DCBLD1: variants seen among roughly 807,000 people sequenced by gnomAD.
DCBLD1 encodes the protein discoidin, CUB and LCCL domain containing 1, also known as discoidin, CUB and LCCL domain-containing protein 1.
Under a neutral mutation model 71.5 loss-of-function variants are expected in DCBLD1, and 57 were observed. The observed-to-expected ratio is 0.80, with a 90% CI of 0.64 to 0.99. The LOEUF (loss-of-function observed/expected upper bound fraction) is 0.99. DCBLD1 is among the 50% of genes least tolerant of loss of function. The pLI is 0.00. For missense variants in DCBLD1, 891 were observed against 923.5 expected (o/e 0.96, Z 0.46); for synonymous variants, 380 against 363.8 (o/e 1.04, Z -0.51).
At chr6:117,561,825 TAAATAGCAAAACCACA>T (rs1779589761) in intron 14 of DCBLD1, 2 of 207,376 alleles carry the variant, frequency 9.6e-6, no homozygotes, top group East Asian at 1.5e-4. Context: ...ATTAAATTTA[TAAATAGCAAAACCACA>T]AAATAAAGTA....
intron 1 of DCBLD1, chr6:117,503,559 C>G (rs545211716): frequency 1.7e-6 from 1 of 575,796 alleles, no homozygotes; most frequent in Admixed American, 3.2e-5. Context: ...TTTTGATCAA[C>G]AAGAAGATAA....
intron 2 of DCBLD1, chr6:117,508,145 G>A (rs963238981): frequency 6.6e-6 from 1 of 152,204 alleles, no homozygotes; most frequent in African/African-American, 2.4e-5. Context: ...GGAGAAATTT[G>A]GACACATAAG....
intron 3 of DCBLD1, among the ~76,000 whole-genome samples, chr6:117,520,838 A>T (rs1238103566): frequency 6.6e-6 from 1 of 152,222 alleles, no homozygotes; most frequent in East Asian, 1.9e-4. Context: ...ATCAGCTCTG[A>T]CTAATCACAG....
intron 5 of DCBLD1, among the ~76,000 whole-genome samples, chr6:117,530,869 T>G (rs1189284787): frequency 6.6e-6 from 1 of 152,180 alleles, no homozygotes; most frequent in Non-Finnish European, 1.5e-5. Context: ...AAGAGTACGA[T>G]CTTTACGATC....
intron 1 of DCBLD1, among the ~76,000 whole-genome samples, chr6:117,488,825 C>T (rs537909449): frequency 6.3e-4 from 96 of 152,268 alleles, no homozygotes; most frequent in Non-Finnish European, 9.7e-4. Context: ...GTATCAGGGG[C>T]CTACTTCACC....
intron 1 of DCBLD1, among the ~76,000 whole-genome samples, chr6:117,483,764 C>T (rs559912843): frequency 1.3e-5 from 2 of 152,012 alleles, no homozygotes; most frequent in East Asian, 3.9e-4. Context: ...TCCTCTCCTC[C>T]CTTGCTCCTG....
chr6:117,562,980 G>C, intron 14 of DCBLD1: 1 of 376,214 alleles, frequency 2.7e-6, no homozygotes. Flanking sequence ...TGGTACTTAA[G>C]AGCCCAGTAA....
intron 12 of DCBLD1, 27 bp downstream of exon 12, chr6:117,543,238 T>C: frequency 6.2e-7 from 1 of 1,604,956 alleles, no homozygotes; most frequent in South Asian, 1.1e-5. Flanking sequence ...TGTTTAAATT[T>C]CTTCTCTAAT....
intron 4 of DCBLD1, among the ~76,000 whole-genome samples, chr6:117,523,617 C>G (rs12210162): frequency 0.01 from 1,552 of 152,188 alleles, 15 homozygotes; most frequent in Non-Finnish European, 0.016. Context: ...GAATTGTTAC[C>G]CTGTAATGGG....
chr6:117,556,503 A>G (rs1779497382), intron 14 of DCBLD1, among the ~76,000 whole-genome samples: 1 of 152,226 alleles, frequency 6.6e-6, no homozygotes. Context: ...TAGTTCACTT[A>G]AGATAATGGT....
At position 117,548,282 on chromosome 6, in the gene DCBLD1, G is replaced by T; in HGVS notation, c.1991G>T (p.Gly664Val). 5.8e-6 allele frequency: 9 copies of T among 1,550,642 alleles called. No homozygotes were observed. Among genetic ancestry groups the T allele is most frequent in the Non-Finnish European group, 7.8e-6 (9 of 1,146,992 alleles). ...CACAGCGCACAGCCTGCGGACAGGG[G>T]CTACGACCGGCCCAAAGCTGTCAGC... is the stretch of plus-strand genomic sequence containing the variant. ...RPHSAQPADR[G>V]YDRPKAVSAL... The change falls in exon 15 of 15, where the codon GGC becomes GTC. Residue 664 changes from glycine (G) to valine (V), a missense_variant. Coordinates refer to ENST00000338728, the MANE Select transcript of DCBLD1 (RefSeq NM_001366458.2).
At chr6:117,558,461 A>C (rs1057249771) in intron 14 of DCBLD1, among the ~76,000 whole-genome samples, 1 of 152,238 alleles carries the variant, frequency 6.6e-6, no homozygotes, top group Non-Finnish European at 1.5e-5. Flanking sequence ...TTTCCAATTT[A>C]AATAAAATGT....
chr6:117,568,352 G>A (rs1241060586), intron 14 of DCBLD1, among the ~76,000 whole-genome samples: 2 of 152,158 alleles, frequency 1.3e-5, no homozygotes, highest in Non-Finnish European at 2.9e-5. Flanking sequence ...AAGAAAACAC[G>A]GCATTTTTGA....
chr6:117,553,095 C>G (rs1456682460), downstream of DCBLD1, among the ~76,000 whole-genome samples: 1 of 152,218 alleles, frequency 6.6e-6, no homozygotes, highest in Non-Finnish European at 1.5e-5. Flanking sequence ...ACTATTCACA[C>G]TGTGGCTGTT....
At position 117,517,308 on chromosome 6, in the gene DCBLD1, G is replaced by A. The variant is rs138524657; in HGVS notation, c.326-2508G>A. Among the ~76,000 whole-genome samples, 671 of 152,352 alleles carry A rather than the reference G, an allele frequency of 4.4e-3. 2 individuals are homozygous for A. The highest frequency in any genetic ancestry group is 5.9e-3 in the Admixed American group (91 of 15,302). ...CCAAAATGATCTCCTTTGACTCCAT[G>A]TCTCACATGCAGGTCATGCTGATGC... On this transcript the variant is annotated intron_variant, in intron 2 of 14. Transcript: ENST00000338728.
chr6:117,539,012 A>G (rs1779000252), intron 8 of DCBLD1, 177 bp downstream of exon 8: 1 of 767,012 alleles, frequency 1.3e-6, no homozygotes, highest in African/African-American at 1.8e-5. Flanking sequence ...TCTGTATGCA[A>G]GTTGTAAATA....
At chr6:117,485,474 A>C (rs772142792) in intron 1 of DCBLD1, among the ~76,000 whole-genome samples, 16 of 152,212 alleles carry the variant, frequency 1.1e-4, no homozygotes, top group South Asian at 2.1e-4. Context: ...CAGCTGATAG[A>C]TGATGTTTTA....
In DCBLD1 at chr6:117,504,711, G is replaced by T. The variant is rs561249352; in HGVS notation, c.325+732G>T. Among the ~76,000 whole-genome samples, 4 of 152,264 alleles carry T rather than the reference G, an allele frequency of 2.6e-5. No homozygotes were observed. The East Asian group carries it at 7.7e-4, about 29-fold the overall frequency. ...TTGTGCTTTGAGATGTGCTGTTAGC[G>T]CACTGCAACCTGAAATCACAGTAAC... On this transcript the variant is annotated intron_variant, in intron 2 of 14. Coordinates refer to ENST00000338728, the MANE Select transcript of DCBLD1 (RefSeq NM_001366458.2).
Position 117,543,114 on chromosome 6 carries a change from T to G in DCBLD1, c.1358-10T>G. 6.2e-7 allele frequency: 1 copy of G among 1,612,322 alleles called. No individual in the cohort carries two copies. The highest frequency in any genetic ancestry group is 8.5e-7 in the Non-Finnish European group (1 of 1,178,324). On this transcript the variant is annotated splice_polypyrimidine_tract_variant and intron_variant, in intron 11 of 14. Transcript: ENST00000338728. Reference sequence around the variant, plus strand: ...TATGTTGTAACGTGATGGCTTTCCGTCTTCTTTAGGAATAAACATTACAAC... The same window carrying G: ...TATGTTGTAACGTGATGGCTTTCCGGCTTCTTTAGGAATAAACATTACAAC...
Sources: gnomAD v4.1 joint callset for allele counts (sites outside exome capture counted in the v4.1 genomes callset) on GRCh38, gnomAD v4.1.1 for gene constraint, MANE v1.5 for transcripts, NCBI Gene and HGNC (gene_info 2026-07-23, HGNC 2026-07-21) for gene names.